The following LCORL variants were observed in gnomAD, a reference collection of about 807,000 sequenced individuals.
LCORL encodes the protein ligand dependent nuclear receptor corepressor like.
LCORL carries 41 observed loss-of-function variants against 141.8 expected under a neutral mutation model. The ratio of observed to expected loss-of-function variants is 0.29; its 90% confidence interval spans 0.23 to 0.38. The LOEUF (loss-of-function observed/expected upper bound fraction) is 0.38. LCORL is among the 10% of genes least tolerant of loss of function. LCORL has a pLI of 1.00. For missense variants in LCORL, 1,759 were observed against 2,035.0 expected (o/e 0.86, Z 2.61); for synonymous variants, 618 against 694.1 (o/e 0.89, Z 1.72).
rs375323000 is a variant in LCORL, at chr4:17,884,132, C to T, written c.776+1936G>A. On this transcript the variant is annotated intron_variant, in intron 6 of 7. Transcript: ENST00000635767. This position sits in a 1 kb window ranked among gnomAD's most constrained non-coding sequence, Gnocchi z 4.4. Reference sequence around the variant, plus strand: ...ACTTGAGTGAGTTACAGGCCCAGAACATTCTATTTTGTTCTGTTTAGGGAG... The same window carrying T: ...ACTTGAGTGAGTTACAGGCCCAGAATATTCTATTTTGTTCTGTTTAGGGAG... 202 of 1,550,696 alleles carry T rather than the reference C, an allele frequency of 1.3e-4. 1 individual carries two copies. In the African/African-American group the frequency reaches 2.4e-3, roughly 19 times the overall value.
rs368338872 is a variant in LCORL, at chr4:17,943,046, C to T, written c.430+18857G>A. 1.9e-4 allele frequency among the ~76,000 whole-genome samples: 29 copies of T among 152,308 alleles called. 1 individual carries two copies. In the South Asian group the frequency reaches 3.1e-3, roughly 16 times the overall value. On this transcript the variant is annotated intron_variant, in intron 4 of 7. Coordinates refer to ENST00000635767, the Ensembl canonical transcript of LCORL. ...TTATCCCGAAACCATCTCCCTGCAA[C>T]ACCTTGCCTGAGAAAAATTGTCTTC...
chr4:17,888,380 C>G (rs969267029), intron 5 of LCORL, among the ~76,000 whole-genome samples: 6 of 152,110 alleles, frequency 3.9e-5, no homozygotes, highest in African/African-American at 1.4e-4. Context: ...GTCTCCAACT[C>G]ATCTCAAACC....
chr4:17,857,331 T>TA (rs1324018271), intron 7 of LCORL, among the ~76,000 whole-genome samples: 1 of 152,142 alleles, frequency 6.6e-6, no homozygotes, highest in African/African-American at 2.4e-5. Context: ...GGGTTAAAGA[T>TA]AAATACTGAT....
At position 17,899,691 on chromosome 4, in the gene LCORL, G is replaced by A. The variant is rs184315630; in HGVS notation, c.682+9403C>T. ...AACTTCAAGGTTATAAAGTAGGTAC[G>A]AAAGTTATCTCTTTGGGGAGAGAAT... On this transcript the variant is annotated intron_variant, in intron 5 of 7. Transcript: ENST00000635767. Among the ~76,000 whole-genome samples the A allele has an allele frequency of 3.3e-5, 5 of 152,206 alleles. No homozygotes were observed. The East Asian group carries it at 5.8e-4, about 18-fold the overall frequency.
chr4:17,864,350 CA>C (rs1255719184), intron 7 of LCORL, among the ~76,000 whole-genome samples: 1 of 152,060 alleles, frequency 6.6e-6, no homozygotes, highest in Non-Finnish European at 1.5e-5. Context: ...CCAGCCTCCC[CA>C]GTAGCTGGGG....
chr4:17,877,220 T>C, exon 7 of LCORL: 1 of 1,230,404 alleles, frequency 8.1e-7, no homozygotes, highest in African/African-American at 1.6e-5. Context: ...TTTTATCATG[T>C]TGACTCAATA....
chr4:17,997,977 T>A (rs1024524125), intron 1 of LCORL, among the ~76,000 whole-genome samples: 7 of 152,290 alleles, frequency 4.6e-5, no homozygotes, highest in Non-Finnish European at 1.0e-4. Flanking sequence ...ATCTTTGAGG[T>A]GATTTGTTGT....
chr4:17,893,135 C>CA (rs1239336546), intron 5 of LCORL: 2 of 152,432 alleles, frequency 1.3e-5, no homozygotes, highest in African/African-American at 4.8e-5. Flanking sequence ...ACCTACTTAC[C>CA]AGTGTCAACC....
At chr4:17,856,587 C>T (rs970361088) in intron 7 of LCORL, among the ~76,000 whole-genome samples, 1 of 152,198 alleles carries the variant, frequency 6.6e-6, no homozygotes, top group Non-Finnish European at 1.5e-5. Context: ...CACCCTCTTT[C>T]ATGAAACTAA....
chr4:17,913,943 G>A (rs893968770), intron 4 of LCORL, among the ~76,000 whole-genome samples: 3 of 152,112 alleles, frequency 2.0e-5, no homozygotes, highest in African/African-American at 4.8e-5. Context: ...AATAAACTTT[G>A]TATTTTTTAT....
chr4:17,995,308 G>A (rs886467578), intron 1 of LCORL, among the ~76,000 whole-genome samples: 1 of 151,234 alleles, frequency 6.6e-6, no homozygotes, highest in African/African-American at 2.4e-5. Context: ...CATTAATAAA[G>A]GTGTTGCTAT....
chr4:18,019,961 T>C (rs1437111948), intron 1 of LCORL, among the ~76,000 whole-genome samples: 1 of 152,216 alleles, frequency 6.6e-6, no homozygotes, highest in Non-Finnish European at 1.5e-5. Flanking sequence ...CTAGAGGTTT[T>C]TTTTTACACT....
chr4:17,871,347 A>G (rs760660124), intron 7 of LCORL, among the ~76,000 whole-genome samples: 42 of 151,940 alleles, frequency 2.8e-4, no homozygotes, highest in Non-Finnish European at 1.0e-4. Flanking sequence ...AAAAATGAGA[A>G]AGATCAAAAA....
chr4:17,950,191 T>C (rs1739495402), intron 4 of LCORL, among the ~76,000 whole-genome samples: 1 of 152,188 alleles, frequency 6.6e-6, no homozygotes, highest in Admixed American at 6.5e-5. Context: ...GCTTATTTTA[T>C]GGTGTTCAAA....
chr4:18,004,695 C>T (rs568764369), intron 1 of LCORL, among the ~76,000 whole-genome samples: 1 of 152,154 alleles, frequency 6.6e-6, no homozygotes, highest in Admixed American at 6.5e-5. Flanking sequence ...TCCCAGCAGT[C>T]CCCCCGCAAA....
chr4:17,869,274 A>C (rs1726053221), intron 7 of LCORL, among the ~76,000 whole-genome samples: 1 of 152,084 alleles, frequency 6.6e-6, no homozygotes, highest in African/African-American at 2.4e-5. Context: ...AATCTAGCTA[A>C]CCTTTGTATA....
intron 7 of LCORL, among the ~76,000 whole-genome samples, chr4:17,846,505 A>G (rs1396547281): frequency 6.6e-6 from 1 of 152,180 alleles, no homozygotes; most frequent in African/African-American, 2.4e-5. Context: ...CTGGAAAAAC[A>G]TCAGGAATTA....
chr4:17,856,081 T>G (rs1417282614), intron 7 of LCORL, among the ~76,000 whole-genome samples: 1 of 152,232 alleles, frequency 6.6e-6, no homozygotes, highest in East Asian at 1.9e-4. Flanking sequence ...TAGCTCCTCA[T>G]TCCTTAAACG....
intron 4 of LCORL, chr4:17,912,972 A>C: frequency 2.4e-6 from 1 of 422,160 alleles, no homozygotes; most frequent in Non-Finnish European, 4.6e-6. Context: ...AAGTTCTAAA[A>C]CATTAAGCCA....
Sources: allele counts gnomAD v4.1 joint callset (sites outside exome capture counted in the v4.1 genomes callset), GRCh38; gene constraint gnomAD v4.1.1; non-coding constraint Gnocchi (gnomAD v3.1); transcripts MANE v1.5; gene names NCBI Gene and HGNC (gene_info 2026-07-23, HGNC 2026-07-21).